ASCC3: variants seen among roughly 807,000 people sequenced by gnomAD.
ASCC3 encodes activating signal cointegrator 1 complex subunit 3, also known as ASC-1 complex subunit P200.
Under a neutral mutation model 256.3 loss-of-function variants are expected in ASCC3, and 158 were observed. The ratio of observed to expected loss-of-function variants is 0.62; its 90% CI spans 0.54 to 0.70. ASCC3 has a LOEUF of 0.70. ASCC3 is among the 30% of genes least tolerant of loss of function. The pLI is 0.00. For synonymous variants in ASCC3, 948 were observed against 883.4 expected (o/e 1.07, Z -1.30); for missense variants, 2,259 against 2,626.0 (o/e 0.86, Z 3.05).
chr6:100,644,503 T>C (rs528698743), intron 22 of ASCC3, among the ~76,000 whole-genome samples: 1 of 152,338 alleles, frequency 6.6e-6, no homozygotes, highest in Non-Finnish European at 1.5e-5. Context: ...TGTTTTAGCA[T>C]GCATCAATGC....
In ASCC3 at chr6:100,642,642, C is replaced by T. The variant is rs751009801; in HGVS notation, c.3840G>A (p.Glu1280=). 1.2e-6 allele frequency: 2 copies of T among 1,613,958 alleles called. No individual in the cohort carries two copies. The highest frequency in any genetic ancestry group is 2.2e-5 in the South Asian group (2 of 91,076). ...GTTGAAAGTTGATAATACATACTGC[C>T]TCAGCACCCAACCATCTATCAGACA... The part of the protein sequence containing the change: ...RAVSDRWLGA[E]AVCIINFQHL... Residue 1280 remains glutamate (E), a synonymous_variant, in exon 24 of 42, where the codon GAG becomes GAA. Transcript: ENST00000369162.
chr6:100,545,827 T>C (rs2114674290), intron 36 of ASCC3, among the ~76,000 whole-genome samples: 1 of 152,344 alleles, frequency 6.6e-6, no homozygotes. Flanking sequence ...AGCAACTTTC[T>C]GCCTTAGCAT....
chr6:100,616,400 T>A (rs964405129), intron 30 of ASCC3, among the ~76,000 whole-genome samples: 8 of 152,230 alleles, frequency 5.3e-5, no homozygotes, highest in Non-Finnish European at 1.0e-4. Context: ...TGCATTACAG[T>A]TTTCATAAAT....
At chr6:100,798,599 G>T (rs559677233) in intron 8 of ASCC3, 114 bp downstream of exon 8, 5 of 1,499,908 alleles carry the variant, frequency 3.3e-6, no homozygotes, top group Non-Finnish European at 4.6e-6. Context: ...AACTATATAT[G>T]TCTGTACTGT....
intron 8 of ASCC3, among the ~76,000 whole-genome samples, chr6:100,794,447 T>C (rs1030214535): frequency 9.2e-5 from 14 of 152,110 alleles, no homozygotes; most frequent in African/African-American, 3.4e-4. Context: ...CAAAAGTGTA[T>C]GCTTTCATAT....
chr6:100,619,403 T>C (rs947680367), intron 30 of ASCC3, among the ~76,000 whole-genome samples: 9 of 152,184 alleles, frequency 5.9e-5, no homozygotes, highest in African/African-American at 2.2e-4. Context: ...TTTTTTATAA[T>C]AAGGGGAGAG....
At chr6:100,780,242 A>C (rs1050372060) in intron 8 of ASCC3, among the ~76,000 whole-genome samples, 1 of 152,186 alleles carries the variant, frequency 6.6e-6, no homozygotes, top group Non-Finnish European at 1.5e-5. Context: ...TTAATTGCTA[A>C]ACACCCAGAT....
Position 100,516,173 on chromosome 6 carries a change from G to A in ASCC3, c.6075+7C>T. 2 of 1,613,494 alleles carry A rather than the reference G, an allele frequency of 1.2e-6. No individual in the cohort carries two copies. The highest frequency in any genetic ancestry group is 1.7e-6 in the Non-Finnish European group (2 of 1,179,574). ...GAGCCTTCAAAACACTTAAGAGATG[G>A]TCTTACCTGTTTCGTTTTTGCAGCA... On this transcript the variant is annotated splice_region_variant and intron_variant, in intron 39 of 41. Coordinates refer to ENST00000369162, the MANE Select transcript of ASCC3 (RefSeq NM_006828.4).
At chr6:100,868,146 G>C in intron 1 of ASCC3, 108 bp from the exon 2 acceptor site, 2 of 664,132 alleles carry the variant, frequency 3.0e-6, no homozygotes, top group Non-Finnish European at 5.3e-6. Flanking sequence ...TGGTTAAAAA[G>C]CAATTGTTAT....
intron 36 of ASCC3, among the ~76,000 whole-genome samples, chr6:100,570,156 A>T (rs12206945): frequency 1.3e-5 from 2 of 151,940 alleles, no homozygotes; most frequent in African/African-American, 4.8e-5. Flanking sequence ...TGCTAAAATC[A>T]TTTGTTGGTT....
At chr6:100,681,791 A>C (rs1405020230) in intron 13 of ASCC3, among the ~76,000 whole-genome samples, 1 of 151,506 alleles carries the variant, frequency 6.6e-6, no homozygotes, top group East Asian at 1.9e-4. Context: ...AATTTATTTC[A>C]GAAAGTTTGC....
intron 4 of ASCC3, among the ~76,000 whole-genome samples, chr6:100,839,566 A>G (rs1002239914): frequency 2.0e-5 from 3 of 152,174 alleles, no homozygotes. Flanking sequence ...AGGTATCTTA[A>G]AAGTCATAAA....
chr6:100,544,646 T>A (rs1277439891), intron 36 of ASCC3, among the ~76,000 whole-genome samples: 1 of 152,084 alleles, frequency 6.6e-6, no homozygotes, highest in African/African-American at 2.4e-5. Flanking sequence ...AATCTTTACA[T>A]GTATTAAAGA....
chr6:100,799,663 G>T, intron 6 of ASCC3, 91 bp from the exon 7 acceptor site: 1 of 1,335,628 alleles, frequency 7.5e-7, no homozygotes, highest in Non-Finnish European at 1.0e-6. Flanking sequence ...GATATTGGGA[G>T]CTAGCCTTCC....
intron 8 of ASCC3, among the ~76,000 whole-genome samples, chr6:100,772,346 C>T (rs1189172567): frequency 2.0e-5 from 3 of 152,102 alleles, no homozygotes; most frequent in African/African-American, 7.2e-5. Flanking sequence ...CATACAAAAA[C>T]ATGAATATGA....
At chr6:100,718,457 T>C (rs1156709894) in intron 11 of ASCC3, among the ~76,000 whole-genome samples, 1 of 151,960 alleles carries the variant, frequency 6.6e-6, no homozygotes, top group Non-Finnish European at 1.5e-5. Flanking sequence ...ATACCCACTA[T>C]AATTAAAAAT....
At chr6:100,512,656 T>C (rs754850315) in intron 40 of ASCC3, 53 bp downstream of exon 40, 26 of 1,534,612 alleles carry the variant, frequency 1.7e-5, no homozygotes, top group Non-Finnish European at 2.3e-5. Flanking sequence ...TGTGTGGTGG[T>C]GCATGCTGGT....
At position 100,647,252 on chromosome 6, in the gene ASCC3, A is replaced by G. The variant is rs1328386369; in HGVS notation, c.3452T>C (p.Leu1151Pro). Residue 1151 changes from leucine (L) to proline (P), a missense_variant, in exon 21 of 42, where the codon CTG becomes CCG. Leu to Pro is a moderately conservative substitution (Grantham distance 98, BLOSUM62 -3). Transcript: ENST00000369162. ...TATTTCATCTTTCCTCATGTCTTTC[A>G]GCTTATCCACAGTAAGCTTTTTTTC... ...LEEKKLTVDK[L>P]KDMRKDEIGH... 1 of 1,613,334 alleles carries G rather than the reference A, an allele frequency of 6.2e-7. No individual in the cohort carries two copies. Among genetic ancestry groups the G allele is most frequent in the African/African-American group, 1.3e-5 (1 of 75,010 alleles).
chr6:100,862,017 T>G (rs1156658794), intron 3 of ASCC3, among the ~76,000 whole-genome samples: 1 of 152,078 alleles, frequency 6.6e-6, no homozygotes, highest in Admixed American at 6.5e-5. Flanking sequence ...ATAATAGAAC[T>G]AAAGAAGAGG....
Sources: gnomAD v4.1 joint callset for allele counts (sites outside exome capture counted in the v4.1 genomes callset) on GRCh38, gnomAD v4.1.1 for gene constraint, MANE v1.5 for transcripts, NCBI Gene and HGNC (gene_info 2026-07-23, HGNC 2026-07-21) for gene names.